The following CA10 variants were observed in gnomAD, a reference collection of about 807,000 sequenced individuals.
CA10 encodes the protein carbonic anhydrase 10 (inactive).
CA10 carries 14 observed loss-of-function variants against 44.2 expected under a neutral mutation model. The observed-to-expected ratio is 0.32, with a 90% CI of 0.21 to 0.50. CA10 has a LOEUF of 0.50. CA10 is among the 20% of genes least tolerant of loss of function. The pLI, the probability that CA10 is intolerant of heterozygous loss-of-function variation, is 0.99. For synonymous variants in CA10, 159 were observed against 141.6 expected (o/e 1.12, Z -0.87); for missense variants, 350 against 409.7 (o/e 0.85, Z 1.26).
At chr17:52,091,539 T>C (rs1988266485) in intron 1 of CA10, among the ~76,000 whole-genome samples, 1 of 152,122 alleles carries the variant, frequency 6.6e-6, no homozygotes, top group Non-Finnish European at 1.5e-5. Flanking sequence ...GCTAAACAAT[T>C]TCCCCCCATT....
In CA10 at chr17:51,631,391, TGTGA is replaced by T. The variant is rs1026377883; in HGVS notation, c.*189_*192del. The T allele has an allele frequency of 2.0e-5, 13 of 662,994 alleles. No individual in the cohort carries two copies. Among genetic ancestry groups the T allele is most frequent in the African/African-American group, 1.8e-4 (10 of 55,546 alleles). The allele number at this position is 662,994 out of a possible 1,614,324, so 41.1% of individuals were successfully genotyped here. On this transcript the variant is annotated 3_prime_UTR_variant, in exon 9 of 9. Coordinates refer to ENST00000451037, the MANE Select transcript of CA10 (RefSeq NM_020178.5). ...ATGTGCAAGTGCTTGTGTGTGTGTT[TGTGA>T]GTATGTGTGAGAGATGTATTCCTCT... is the stretch of plus-strand genomic sequence containing the variant.
At chr17:52,065,342 C>T (rs753322874) in intron 2 of CA10, among the ~76,000 whole-genome samples, 1 of 152,178 alleles carries the variant, frequency 6.6e-6, no homozygotes, top group African/African-American at 2.4e-5. Context: ...TTTTATAACT[C>T]AATTTAAGGG....
intron 3 of CA10, among the ~76,000 whole-genome samples, chr17:51,862,827 A>G (rs890671169): frequency 1.3e-5 from 2 of 151,794 alleles, no homozygotes; most frequent in African/African-American, 4.8e-5. Context: ...AAGAGAACAA[A>G]CTATCTGATG....
intron 3 of CA10, among the ~76,000 whole-genome samples, chr17:51,818,960 A>C (rs750859798): frequency 6.6e-6 from 1 of 152,170 alleles, no homozygotes; most frequent in Non-Finnish European, 1.5e-5. Context: ...TAGCTGCCCA[A>C]CATAAGGCTC....
intron 2 of CA10, among the ~76,000 whole-genome samples, chr17:51,992,728 C>A (rs1265429547): frequency 6.6e-6 from 1 of 152,008 alleles, no homozygotes; most frequent in African/African-American, 2.4e-5. Flanking sequence ...TACCTGACAC[C>A]AGAAAAACAA....
intron 1 of CA10, among the ~76,000 whole-genome samples, chr17:52,123,122 C>G (rs1989046689): frequency 6.6e-6 from 1 of 152,110 alleles, no homozygotes; most frequent in East Asian, 1.9e-4. Flanking sequence ...GATACTTGAC[C>G]TGCAACTCAG....
At chr17:52,052,608 T>C (rs1463688245) in intron 2 of CA10, among the ~76,000 whole-genome samples, 1 of 152,102 alleles carries the variant, frequency 6.6e-6, no homozygotes, top group Non-Finnish European at 1.5e-5. Context: ...TTTCAGAAGA[T>C]ATCAAGTGAA....
chr17:51,971,612 T>C (rs983611234), intron 2 of CA10, among the ~76,000 whole-genome samples: 2 of 152,072 alleles, frequency 1.3e-5, no homozygotes, highest in African/African-American at 4.8e-5. Flanking sequence ...TGAAAGTTAA[T>C]CTTATTTACT....
chr17:52,154,356 A>G (rs754618635), intron 1 of CA10, among the ~76,000 whole-genome samples: 17 of 152,318 alleles, frequency 1.1e-4, no homozygotes, highest in Non-Finnish European at 2.2e-4. Context: ...AATATGTGCA[A>G]TATATGTACA....
intron 4 of CA10, among the ~76,000 whole-genome samples, chr17:51,734,189 G>A (rs1414277192): frequency 7.5e-6 from 1 of 132,828 alleles, no homozygotes; most frequent in Non-Finnish European, 1.6e-5. Flanking sequence ...GGGGGGGGGG[G>A]GTTCCAATGT....
chr17:51,849,371 G>T (rs763233309), intron 3 of CA10, among the ~76,000 whole-genome samples: 5 of 150,990 alleles, frequency 3.3e-5, no homozygotes, highest in East Asian at 2.0e-4. Flanking sequence ...TAAAATGTTT[G>T]TTGAATGACC....
At chr17:51,862,566 T>A (rs1360346260) in intron 3 of CA10, among the ~76,000 whole-genome samples, 2 of 152,130 alleles carry the variant, frequency 1.3e-5, no homozygotes, top group Non-Finnish European at 2.9e-5. Flanking sequence ...AGTGCCATAA[T>A]CATGTATAAG....
chr17:52,038,555 C>T (rs972655810), intron 2 of CA10, among the ~76,000 whole-genome samples: 1 of 152,040 alleles, frequency 6.6e-6, no homozygotes, highest in African/African-American at 2.4e-5. Flanking sequence ...ATTAACTGAT[C>T]TAGTAAATGG....
At chr17:51,685,770 G>A (rs934637459) in intron 4 of CA10, among the ~76,000 whole-genome samples, 1 of 152,206 alleles carries the variant, frequency 6.6e-6, no homozygotes, top group African/African-American at 2.4e-5. Flanking sequence ...AGGTTGAAGA[G>A]GCTGGTCCCT....
intron 3 of CA10, among the ~76,000 whole-genome samples, chr17:51,784,002 A>G (rs1255671285): frequency 6.6e-6 from 1 of 152,158 alleles, no homozygotes; most frequent in Non-Finnish European, 1.5e-5. Context: ...AGTGGAGTGC[A>G]GCGGGGATGG....
intron 1 of CA10, among the ~76,000 whole-genome samples, chr17:52,124,029 T>C (rs1989067993): frequency 1.3e-5 from 2 of 152,244 alleles, no homozygotes; most frequent in Admixed American, 1.3e-4. Context: ...AGATGCTTCC[T>C]CTTGGATTTG....
intron 3 of CA10, among the ~76,000 whole-genome samples, chr17:51,842,852 A>C (rs988696951): frequency 6.6e-6 from 1 of 152,178 alleles, no homozygotes; most frequent in South Asian, 2.1e-4. Flanking sequence ...TGAACTTCTG[A>C]GAGACAACTA....
At chr17:52,056,512 A>T (rs1299803071) in intron 2 of CA10, among the ~76,000 whole-genome samples, 1 of 152,128 alleles carries the variant, frequency 6.6e-6, no homozygotes, top group Non-Finnish European at 1.5e-5. Flanking sequence ...CCCATGCTGG[A>T]TACTTGCTGC....
intron 4 of CA10, among the ~76,000 whole-genome samples, chr17:51,740,477 C>T (rs946401110): frequency 6.6e-6 from 1 of 152,148 alleles, no homozygotes; most frequent in African/African-American, 2.4e-5. Context: ...TATTTATTGC[C>T]TGGATGGTCT....
Sources: gnomAD v4.1 joint callset for allele counts (sites outside exome capture counted in the v4.1 genomes callset) on GRCh38, gnomAD v4.1.1 for gene constraint, MANE v1.5 for transcripts, NCBI Gene and HGNC (gene_info 2026-07-23, HGNC 2026-07-21) for gene names.